The following FAM180B variants were observed in gnomAD, a reference collection of about 807,000 sequenced individuals.
FAM180B encodes the protein family with sequence similarity 180 member B, also known as protein FAM180B.
FAM180B carries 14 observed loss-of-function variants against 13.6 expected under a neutral mutation model. The ratio of observed to expected loss-of-function variants is 1.03; its 90% CI spans 0.68 to 1.60. The LOEUF (loss-of-function observed/expected upper bound fraction) is 1.60. Among genes scored for constraint, FAM180B ranks in the 40% most tolerant of loss-of-function variants. The pLI is 0.00. For synonymous variants in FAM180B, 109 were observed against 97.0 expected (o/e 1.12, Z -0.72); for missense variants, 212 against 230.4 (o/e 0.92, Z 0.52).
chr11:47,586,948 G>A (rs565258325), intron 1 of FAM180B, 95 bp downstream of exon 1: 116 of 786,824 alleles, frequency 1.5e-4, no homozygotes, highest in African/African-American at 1.3e-3. Flanking sequence ...GCATAGAAGC[G>A]TGGGCATGGT....
chr11:47,588,246 C>T lies in FAM180B; in HGVS notation c.364C>T (p.Leu122Phe), dbSNP rs1232210410. Reference sequence around the variant, plus strand: ...TAGCACTTGGGACTTTGAACATCTGCTCCTCACAGGCCTGTCCTGCGTCTA... The same window carrying T: ...TAGCACTTGGGACTTTGAACATCTGTTCCTCACAGGCCTGTCCTGCGTCTA... ...PLSTWDFEHL[L>F]LTGLSCVYRL... Residue 122 changes from leucine (L) to phenylalanine (F), a missense_variant, in exon 3 of 3, where the codon CTC becomes TTC. Leu to Phe is a conservative substitution (Grantham distance 22, BLOSUM62 0). Coordinates refer to ENST00000538490, the MANE Select transcript of FAM180B (RefSeq NM_001164379.3). 1 of 1,537,050 alleles carries T rather than the reference C, an allele frequency of 6.5e-7. No individual in the cohort carries two copies. Among genetic ancestry groups the T allele is most frequent in the Non-Finnish European group, 8.7e-7 (1 of 1,146,732 alleles).
chr11:47,587,694 G>C (rs2097272368), intron 1 of FAM180B, 57 bp from the exon 2 acceptor site: 1 of 1,278,996 alleles, frequency 7.8e-7, no homozygotes, highest in Non-Finnish European at 1.1e-6. Flanking sequence ...ACTTCTGGGA[G>C]GCTGGGGTGT....
chr11:47,588,515 G>A lies in FAM180B; in HGVS notation c.*81G>A, dbSNP rs1434447374. Reference sequence around the variant, plus strand: ...CCCCAGGCAGACCCATCTTGCGCAGGGGCTTCTGTCTGGCATCTGATTCTT... The same window carrying A: ...CCCCAGGCAGACCCATCTTGCGCAGAGGCTTCTGTCTGGCATCTGATTCTT... On this transcript the variant is annotated 3_prime_UTR_variant, in exon 3 of 3. Transcript: ENST00000538490. 1.5e-6 allele frequency: 1 copy of A among 674,988 alleles called. No homozygotes were observed. Among genetic ancestry groups the A allele is most frequent in the Non-Finnish European group, 2.5e-6 (1 of 407,096 alleles). The allele number at this position is 674,988 out of a possible 1,614,324, so 41.8% of individuals were successfully genotyped here. A position where few individuals can be genotyped will look rare whatever the true frequency, so the allele number is the denominator to read the frequency against.
At chr11:47,586,997 T>C (rs2097271942) in intron 1 of FAM180B, 144 bp downstream of exon 1, 1 of 655,066 alleles carries the variant, frequency 1.5e-6, no homozygotes, top group African/African-American at 1.8e-5. Context: ...GGTGACAGTG[T>C]GGGCCCCACC....
chr11:47,588,025 G>GGA lies in FAM180B; in HGVS notation c.157-13_157-12insAG. The GGA allele has an allele frequency of 6.6e-7, 1 of 1,519,970 alleles. No homozygotes were observed. The highest frequency in any genetic ancestry group is 8.8e-7 in the Non-Finnish European group (1 of 1,137,724). 94.2% of individuals were successfully genotyped at this position (1,519,970 alleles called of 1,614,324 possible). A position where few individuals can be genotyped will look rare whatever the true frequency, so the allele number is the denominator to read the frequency against. On this transcript the variant is annotated splice_polypyrimidine_tract_variant and intron_variant, in intron 2 of 2. Transcript: ENST00000538490. ...CCAGGCCACAGCCCACCCCTTACAT[G>GGA]GCTCCCCTTGCAGCTGCTCTGGGCT... is the stretch of plus-strand genomic sequence containing the variant.
Position 47,587,763 on chromosome 11 carries a change from A to G in FAM180B, c.98A>G (p.Asp33Gly), listed in dbSNP as rs2097272422. ...TTQPHAGQPM[D>G]STSVGGGLQE... Reference sequence around the variant, plus strand: ...TCTGCTGCCCCAGGGCAGCCCATGGACAGCACCAGCGTGGGAGGTGGCCTG... The same window carrying G: ...TCTGCTGCCCCAGGGCAGCCCATGGGCAGCACCAGCGTGGGAGGTGGCCTG... Residue 33 changes from aspartate to glycine, a missense_variant, in exon 2 of 3, where the codon GAC (aspartate) becomes GGC (glycine). By Grantham distance (94) the Asp-to-Gly change is moderately conservative (BLOSUM62 -1). Transcript: ENST00000538490. The G allele has an allele frequency of 6.5e-7, 1 of 1,532,100 alleles. No individual in the cohort carries two copies. The allele number at this position is 1,532,100 out of a possible 1,614,324, so 94.9% of individuals were successfully genotyped here.
At position 47,588,761 on chromosome 11, in the gene FAM180B, TCAGGG is replaced by T; in HGVS notation, c.*328_*332del. 9.4e-6 allele frequency: 2 copies of T among 212,820 alleles called. No homozygotes were observed. The highest frequency in any genetic ancestry group is 1.8e-5 in the Non-Finnish European group (2 of 110,382). 13.2% of individuals were successfully genotyped at this position (212,820 alleles called of 1,614,324 possible). A position where few individuals can be genotyped will look rare whatever the true frequency, so the allele number is the denominator to read the frequency against. On this transcript the variant is annotated 3_prime_UTR_variant, in exon 3 of 3. Transcript: ENST00000538490. ...GTGTGTGTGTGTGTGTGTGTGGAGA[TCAGGG>T]GTCAGGGTTGAGAAGTGTGTTCAAG...
intron 2 of FAM180B, 68 bp downstream of exon 2, chr11:47,587,889 G>A (rs554644844): frequency 3.5e-6 from 5 of 1,444,260 alleles, no homozygotes; most frequent in African/African-American, 1.4e-5. Flanking sequence ...GGGTTGGGAA[G>A]GGGGATGTCT....
At chr11:47,586,959 G>A (rs184064218) in intron 1 of FAM180B, 106 bp downstream of exon 1, 406 of 755,120 alleles carry the variant, frequency 5.4e-4, no homozygotes, top group Admixed American at 9.4e-4. Flanking sequence ...TGGGCATGGT[G>A]GGTACCAGGC....
At chr11:47,587,848 G>C (rs934047547) in intron 2 of FAM180B, 27 bp downstream of exon 2, 1 of 1,512,880 alleles carries the variant, frequency 6.6e-7, no homozygotes, top group East Asian at 2.4e-5. Context: ...TGGGACATGG[G>C]GGTGGGCACG....
At position 47,588,126 on chromosome 11, in the gene FAM180B, C is replaced by CT. The variant is rs764299309; in HGVS notation, c.245dup (p.Arg83GlnfsTer11). ...AGCGTCCACACACCCAGGCCGCCGACTCAGACTCCTCCTGCAGCACCACGT... is the reference window on the plus strand; with the variant it reads ...AGCGTCCACACACCCAGGCCGCCGACTTCAGACTCCTCCTGCAGCACCACGT... On this transcript the variant is annotated frameshift_variant, in exon 3 of 3. Transcript: ENST00000538490. LOFTEE classifies it high-confidence loss of function. 269 of 1,537,110 alleles carry CT rather than the reference C, an allele frequency of 1.8e-4. No individual in the cohort carries two copies. Among genetic ancestry groups the CT allele is most frequent in the Non-Finnish European group, 2.3e-4 (263 of 1,146,904 alleles).
Position 47,588,709 on chromosome 11 carries a change from T to TGTGTGTGTGAGA in FAM180B, c.*286_*287insAGTGTGTGTGAG. On this transcript the variant is annotated 3_prime_UTR_variant, in exon 3 of 3. Transcript: ENST00000538490. Reference sequence around the variant, plus strand: ...AGCTAAGGGCACGACTTGCAGGCAGTGTGTGTGTGAGTGTGTGTGTGTGTG... The same window carrying TGTGTGTGTGAGA: ...AGCTAAGGGCACGACTTGCAGGCAGTGTGTGTGTGAGAGTGTGTGTGAGTGTGTGTGTGTGTG... 5.9e-6 allele frequency: 1 copy of TGTGTGTGTGAGA among 169,194 alleles called. No homozygotes were observed. Among genetic ancestry groups the TGTGTGTGTGAGA allele is most frequent in the South Asian group, 9.8e-5 (1 of 10,214 alleles). The allele number at this position is 169,194 out of a possible 1,614,324, so 10.5% of individuals were successfully genotyped here. A position where few individuals can be genotyped will look rare whatever the true frequency, so the allele number is the denominator to read the frequency against.
chr11:47,587,428 G>A (rs1429833151), intron 1 of FAM180B, among the ~76,000 whole-genome samples: 1 of 152,146 alleles, frequency 6.6e-6, no homozygotes, highest in Non-Finnish European at 1.5e-5. Flanking sequence ...GGTGGGGAAG[G>A]GTCTTGTGAC....
Position 47,588,285 on chromosome 11 carries a change from G to A in FAM180B, c.403G>A (p.Ala135Thr). 3 of 1,537,156 alleles carry A rather than the reference G, an allele frequency of 2.0e-6. No homozygotes were observed. The highest frequency in any genetic ancestry group is 2.6e-6 in the Non-Finnish European group (3 of 1,146,884). The part of the protein sequence containing the change: ...GLSCVYRLHA[A>T]SEAEERGRWA... ...GTCCTGCGTCTACCGGCTCCACGCA[G>A]CTAGTGAGGCTGAGGAACGGGGCCG... The change falls in exon 3 of 3, where the codon GCT (alanine) becomes ACT (threonine). Residue 135 changes from alanine to threonine, a missense_variant. Transcript: ENST00000538490.
rs1310727454 is a variant in FAM180B at position 47,588,383 on chromosome 11, C to T, written c.501C>T (p.Asp167=). ...TGTGCAAAGGTTTCTGCCCCCAGGA[C>T]CGGCCCCCTTCCCTGGGGTCCTGGG... ...WDLCKGFCPQ[D]RPPSLGSWAS... The change falls in exon 3 of 3, where the codon GAC becomes GAT. Residue 167 remains aspartate (D), a synonymous_variant. Transcript: ENST00000538490. 1.3e-6 allele frequency: 2 copies of T among 1,524,298 alleles called. No individual in the cohort carries two copies. The highest frequency in any genetic ancestry group is 1.8e-6 in the Non-Finnish European group (2 of 1,137,142). 94.4% of individuals were successfully genotyped at this position (1,524,298 alleles called of 1,614,324 possible). A position where few individuals can be genotyped will look rare whatever the true frequency, so the allele number is the denominator to read the frequency against.
intron 1 of FAM180B, among the ~76,000 whole-genome samples, chr11:47,587,508 A>G (rs1213626184): frequency 6.6e-6 from 1 of 152,164 alleles, no homozygotes; most frequent in Non-Finnish European, 1.5e-5. Flanking sequence ...ATTTGCCAAC[A>G]TGGTAACTGG....
intron 1 of FAM180B, 22 bp downstream of exon 1, chr11:47,586,875 G>A: frequency 6.7e-7 from 1 of 1,498,796 alleles, no homozygotes; most frequent in Non-Finnish European, 9.0e-7. Context: ...CAGGGTGGGT[G>A]GAGAGGAGCC....
At chr11:47,587,883 T>C in intron 2 of FAM180B, 62 bp downstream of exon 2, 5 of 1,449,746 alleles carry the variant, frequency 3.4e-6, no homozygotes, top group Non-Finnish European at 4.6e-6. Context: ...AGCTCAGGGT[T>C]GGGAAGGGGG....
chr11:47,588,057 G>T lies in FAM180B; in HGVS notation c.175G>T (p.Glu59Ter). The change falls in exon 3 of 3, where the codon GAG becomes TAG. Residue 59 changes from glutamate (E) to a stop codon, truncating the protein, a stop_gained. Transcript: ENST00000538490. LOFTEE classifies it high-confidence loss of function. ...VMFELLWAGL[E>*]LDVMGQLHIQ... is the part of the protein sequence containing the mutation. ...CTTGCAGCTGCTCTGGGCTGGGCTGGAGCTGGATGTCATGGGGCAGCTGCA... is the reference window on the plus strand; with the variant it reads ...CTTGCAGCTGCTCTGGGCTGGGCTGTAGCTGGATGTCATGGGGCAGCTGCA... The T allele has an allele frequency of 6.5e-7, 1 of 1,534,686 alleles. No homozygotes were observed. Among genetic ancestry groups the T allele is most frequent in the Non-Finnish European group, 8.7e-7 (1 of 1,145,914 alleles).
Sources: allele counts gnomAD v4.1 joint callset (sites outside exome capture counted in the v4.1 genomes callset), GRCh38; gene constraint gnomAD v4.1.1; transcripts MANE v1.5; gene names NCBI Gene and HGNC (gene_info 2026-07-23, HGNC 2026-07-21).